The following LAMA4 variants were observed in gnomAD, a reference collection of about 807,000 sequenced individuals.
LAMA4 encodes the protein laminin subunit alpha-4.
Under a neutral mutation model 207.1 loss-of-function variants are expected in LAMA4, and 127 were observed. The observed-to-expected ratio is 0.61, with a 90% confidence interval of 0.53 to 0.71. The LOEUF is 0.71. LAMA4 is among the 30% of genes least tolerant of loss of function. The pLI, the probability that LAMA4 is intolerant of heterozygous loss-of-function variation, is 0.00. For missense variants in LAMA4, 2,093 were observed against 2,246.5 expected, an observed-to-expected ratio of 0.93 and a Z score of 1.38; for synonymous variants, 761 against 816.0, an observed-to-expected ratio of 0.93 and a Z score of 1.15.
intron 18 of LAMA4, among the ~76,000 whole-genome samples, chr6:112,146,632 GCATTA>G (rs1213953194): frequency 2.0e-5 from 3 of 152,170 alleles, no homozygotes; most frequent in African/African-American, 7.2e-5. Flanking sequence ...TGGTCATTAA[GCATTA>G]GTAGCTGGGC....
intron 37 of LAMA4, 152 bp downstream of exon 37, chr6:112,114,511 A>G: frequency 1.4e-6 from 1 of 702,800 alleles, no homozygotes; most frequent in Non-Finnish European, 2.6e-6. Flanking sequence ...TGGATTCAGT[A>G]TACACATAAT....
At chr6:112,124,468 A>ACTC (rs781973098) in intron 31 of LAMA4, among the ~76,000 whole-genome samples, 46 of 152,054 alleles carry the variant, frequency 3.0e-4, no homozygotes, top group Admixed American at 2.1e-3. Context: ...ACACATTCAC[A>ACTC]CTCTTAGTAA....
chr6:112,216,975 G>A lies in LAMA4; in HGVS notation c.196-506C>T, dbSNP rs1338117503. Among the ~76,000 whole-genome samples the A allele has an allele frequency of 2.6e-5, 4 of 152,290 alleles. No individual in the cohort carries two copies. In the East Asian group the frequency reaches 7.7e-4, roughly 29 times the overall value. On this transcript the variant is annotated intron_variant, in intron 2 of 38. Coordinates refer to ENST00000230538, the MANE Select transcript of LAMA4 (RefSeq NM_001105206.3). ...TGAACTTCAGTTCTTAAAAGCATCT[G>A]TTTCTTCAGATGCTAACATGTTAAA...
Position 112,191,769 on chromosome 6 carries a change from G to T in LAMA4, c.585C>A (p.Pro195=), listed in dbSNP as rs782243838. The change falls in exon 6 of 39, where the codon CCC becomes CCA. Residue 195 remains proline (P), a synonymous_variant. Transcript: ENST00000230538. ...CATCACAATCTTCAAAGATCAGGTT[G>T]GGATCTGAATTTCCACTGCAGTCAC... is the stretch of plus-strand genomic sequence containing the variant. The part of the protein sequence containing the change: ...KKCDCSGNSD[P]NLIFEDCDEV... The T allele has an allele frequency of 5.0e-6, 8 of 1,614,046 alleles. No homozygotes were observed. The South Asian group carries it at 8.8e-5, about 18-fold the overall frequency.
chr6:112,216,872 TAAAG>T lies in LAMA4; in HGVS notation c.196-407_196-404del, dbSNP rs376671424. 45 of 252,126 alleles carry T rather than the reference TAAAG, an allele frequency of 1.8e-4. No homozygotes were observed. In the East Asian group the frequency reaches 4.5e-3, roughly 25 times the overall value. 15.6% of individuals were successfully genotyped at this position (252,126 alleles called of 1,614,324 possible). On this transcript the variant is annotated intron_variant, in intron 2 of 38. Coordinates refer to ENST00000230538, the MANE Select transcript of LAMA4 (RefSeq NM_001105206.3). ...AGGGTGAGGTCATGCTCCCTATAAA[TAAAG>T]AAAGACTTCTCGTTTCAGCAATCAC...
Position 112,207,079 on chromosome 6 carries a change from T to A in LAMA4, c.364A>T (p.Ile122Phe), listed in dbSNP as rs572448241. The A allele has an allele frequency of 1.2e-6, 2 of 1,614,048 alleles. No homozygotes were observed. The highest frequency in any genetic ancestry group is 2.2e-5 in the South Asian group (2 of 91,084). Residue 122 changes from isoleucine to phenylalanine, a missense_variant, in exon 4 of 39, where the codon ATC becomes TTC. This residue lies in a region of LAMA4 where 1,704 missense variants were observed against 1,788.4 expected (regional missense o/e 0.95). Coordinates refer to ENST00000230538, the MANE Select transcript of LAMA4 (RefSeq NM_001105206.3). ...TGGCAGAATTGGGGTGCTCCCCTGA[T>A]GGAATCTCCGATATAACCATCCAGA... ...KCLDGYIGDS[I>F]RGAPQFCQPC...
intron 18 of LAMA4, 122 bp from the exon 19 acceptor site, chr6:112,145,055 C>A: frequency 1.0e-6 from 1 of 967,570 alleles, no homozygotes; most frequent in South Asian, 1.4e-5. Context: ...TTTAATCCTG[C>A]AAAATTAATA....
At chr6:112,253,463 A>G in intron 2 of LAMA4, 1 of 374,534 alleles carries the variant, frequency 2.7e-6, no homozygotes, top group Non-Finnish European at 5.1e-6. Flanking sequence ...TCCTTTCATG[A>G]CCAGCCACTC....
intron 13 of LAMA4, among the ~76,000 whole-genome samples, chr6:112,163,572 T>C (rs1214979214): frequency 2.0e-5 from 3 of 151,808 alleles, no homozygotes; most frequent in South Asian, 2.1e-4. Flanking sequence ...GGCGGGTCGC[T>C]GGTGACCTGG....
intron 28 of LAMA4, 100 bp from the exon 29 acceptor site, chr6:112,131,201 G>T: frequency 9.3e-7 from 1 of 1,076,104 alleles, no homozygotes; most frequent in Non-Finnish European, 1.4e-6. Context: ...AGGCAATATA[G>T]TGTGTAGGAA....
At chr6:112,231,216 C>T (rs1554364333) in intron 2 of LAMA4, among the ~76,000 whole-genome samples, 2 of 152,086 alleles carry the variant, frequency 1.3e-5, no homozygotes, top group East Asian at 3.9e-4. Context: ...CAGGAAAGTG[C>T]CATTGTCATC....
Position 112,117,614 on chromosome 6 carries a change from A to C in LAMA4, c.4981+125T>G, listed in dbSNP as rs1778096376. 4 of 901,038 alleles carry C rather than the reference A, an allele frequency of 4.4e-6. No individual in the cohort carries two copies. Among genetic ancestry groups the C allele is most frequent in the Non-Finnish European group, 7.3e-6 (4 of 551,214 alleles). The allele number at this position is 901,038 out of a possible 1,614,324, so 55.8% of individuals were successfully genotyped here. A position where few individuals can be genotyped will look rare whatever the true frequency, so the allele number is the denominator to read the frequency against. ...GAGGGAGAAAGGTGGTTCTTGTGGG[A>C]AGAGGTCATCTTCTAGGGCTGAGTT... On this transcript the variant is annotated intron_variant, in intron 35 of 38. Transcript: ENST00000230538. This position sits in a 1 kb window ranked among gnomAD's most constrained non-coding sequence, Gnocchi z 4.5.
In LAMA4 at chr6:112,187,510, G is replaced by A; in HGVS notation, c.906C>T (p.Ser302=). 2 of 1,614,078 alleles carry A rather than the reference G, an allele frequency of 1.2e-6. No homozygotes were observed. The highest frequency in any genetic ancestry group is 1.7e-6 in the Non-Finnish European group (2 of 1,180,008). The change falls in exon 8 of 39, where the codon TCC becomes TCT. Residue 302 remains serine, a synonymous_variant. Coordinates refer to ENST00000230538, the MANE Select transcript of LAMA4 (RefSeq NM_001105206.3). ...CGTGCCTATGAGCGGCGGCCCCAGA[G>A]GATACGCTCAGCACCCCGGATTTGC... ...EEGKSGVLSV[S]SGAAAHRHVN...
rs565579809 is a variant in LAMA4, at chr6:112,231,480, AAC to A, written c.196-15013_196-15012del. 2.8e-4 allele frequency among the ~76,000 whole-genome samples: 42 copies of A among 152,312 alleles called. 1 individual carries two copies. In the South Asian group the frequency reaches 6.8e-3, roughly 25 times the overall value. Reference sequence around the variant, plus strand: ...ATTTATAACTGATGTTTTAGTTTTTAACAGTTTTTATATAGTGTAGATAGAAA... The same window carrying A: ...ATTTATAACTGATGTTTTAGTTTTTAAGTTTTTATATAGTGTAGATAGAAA... On this transcript the variant is annotated intron_variant, in intron 2 of 38. Transcript: ENST00000230538.
At chr6:112,156,130 G>C (rs960150453) in intron 14 of LAMA4, among the ~76,000 whole-genome samples, 1 of 152,184 alleles carries the variant, frequency 6.6e-6, no homozygotes, top group South Asian at 2.1e-4. Context: ...GCCAGGGCAC[G>C]TATTGTCAAG....
chr6:112,122,175 T>C lies in LAMA4; in HGVS notation c.4314A>G (p.Ser1438=). The change falls in exon 32 of 39, where the codon TCA becomes TCG. Residue 1438 remains serine, a synonymous_variant. Transcript: ENST00000230538. ...GGAGTTTCAGAGCAACAGGATCCCATGAAGGTGCATCTTTACTTTTCCCTC... is the reference window on the plus strand; with the variant it reads ...GGAGTTTCAGAGCAACAGGATCCCACGAAGGTGCATCTTTACTTTTCCCTC... ...KKGGKSKDAP[S]WDPVALKLPE... 4 of 1,613,812 alleles carry C rather than the reference T, an allele frequency of 2.5e-6. No individual in the cohort carries two copies. Among genetic ancestry groups the C allele is most frequent in the South Asian group, 1.1e-5 (1 of 91,074 alleles).
chr6:112,186,697 T>C, intron 8 of LAMA4: 1 of 437,248 alleles, frequency 2.3e-6, no homozygotes, highest in Non-Finnish European at 4.5e-6. Flanking sequence ...TAACACAATG[T>C]CAATGCTGTG....
chr6:112,230,788 T>C (rs75558316), intron 2 of LAMA4, among the ~76,000 whole-genome samples: 2,350 of 152,326 alleles, frequency 0.015, 70 homozygotes, highest in African/African-American at 0.055. Context: ...CTCAGTGCCT[T>C]CATAGAGCAG....
At chr6:112,231,552 A>G (rs1363824204) in intron 2 of LAMA4, among the ~76,000 whole-genome samples, 3 of 152,208 alleles carry the variant, frequency 2.0e-5, no homozygotes, top group Non-Finnish European at 4.4e-5. Flanking sequence ...AGCAAAGTCA[A>G]CCTCAATAGA....
Sources: allele counts gnomAD v4.1 joint callset (sites outside exome capture counted in the v4.1 genomes callset), GRCh38; gene constraint gnomAD v4.1.1; regional missense constraint gnomAD v4.1.1; non-coding constraint Gnocchi (gnomAD v3.1); transcripts MANE v1.5; gene names NCBI Gene and HGNC (gene_info 2026-07-23, HGNC 2026-07-21).